Variants in UNC5C observed in about 807,000 individuals in gnomAD.
UNC5C encodes the protein netrin receptor UNC5C.
A neutral mutation model predicts 99.8 loss-of-function variants in UNC5C; 47 were observed. The ratio of observed to expected loss-of-function variants is 0.47; its 90% CI spans 0.37 to 0.60. The LOEUF (loss-of-function observed/expected upper bound fraction) is 0.60. Among genes scored for constraint, UNC5C ranks in the 20% least tolerant of loss-of-function variants. The pLI is 0.00. For synonymous variants in UNC5C, 487 were observed against 452.2 expected, an observed-to-expected ratio of 1.08 and a Z score of -0.98; for missense variants, 1,062 against 1,165.9, an observed-to-expected ratio of 0.91 and a Z score of 1.30.
intron 1 of UNC5C, among the ~76,000 whole-genome samples, chr4:95,483,140 G>A (rs750725699): frequency 4.6e-5 from 7 of 150,844 alleles, no homozygotes; most frequent in Non-Finnish European, 8.9e-5. Context: ...TTTGGCTCTG[G>A]TATATTAGAC....
intron 1 of UNC5C, among the ~76,000 whole-genome samples, chr4:95,450,959 G>A (rs1747263867): frequency 1.3e-5 from 2 of 152,246 alleles, no homozygotes; most frequent in African/African-American, 4.8e-5. Context: ...ATGTAAAAGT[G>A]CCTATAATTT....
chr4:95,391,944 C>T (rs1745373704), intron 1 of UNC5C, among the ~76,000 whole-genome samples: 1 of 152,080 alleles, frequency 6.6e-6, no homozygotes, highest in African/African-American at 2.4e-5. Flanking sequence ...GTCGTCCCAG[C>T]TACTCTGAAG....
At chr4:95,254,783 A>C (rs755405617) in intron 4 of UNC5C, among the ~76,000 whole-genome samples, 1 of 152,112 alleles carries the variant, frequency 6.6e-6, no homozygotes, top group African/African-American at 2.4e-5. Context: ...TGTCTTTCCT[A>C]TTCACTCTAA....
intron 1 of UNC5C, among the ~76,000 whole-genome samples, chr4:95,488,868 C>T (rs1721400938): frequency 6.6e-6 from 1 of 151,684 alleles, no homozygotes; most frequent in African/African-American, 2.4e-5. Context: ...TCTCACACAA[C>T]TATGCGTGCT....
chr4:95,501,830 GA>G (rs1291228630), intron 1 of UNC5C, among the ~76,000 whole-genome samples: 2 of 152,034 alleles, frequency 1.3e-5, no homozygotes, highest in Non-Finnish European at 2.9e-5. Context: ...TTACAGTGAT[GA>G]ATGACCTCTT....
intron 4 of UNC5C, among the ~76,000 whole-genome samples, chr4:95,254,682 G>A (rs1280592777): frequency 6.6e-6 from 1 of 152,132 alleles, no homozygotes; most frequent in East Asian, 1.9e-4. Context: ...CCACACTAAA[G>A]TTTGAGAAGC....
At chr4:95,194,279 G>A (rs985388830) in intron 12 of UNC5C, among the ~76,000 whole-genome samples, 3 of 152,154 alleles carry the variant, frequency 2.0e-5, no homozygotes, top group African/African-American at 7.2e-5. Flanking sequence ...GTTTTTCTAG[G>A]ACTTTTGAAG....
rs184943182 is a variant in UNC5C at position 95,327,664 on chromosome 4, C to A, written c.346+7746G>T. Among the ~76,000 whole-genome samples the A allele has an allele frequency of 2.1e-3, 321 of 152,144 alleles. 3 individuals carry two copies. Among genetic ancestry groups the A allele is most frequent in the African/African-American group, 7.4e-3 (306 of 41,532 alleles). On this transcript the variant is annotated intron_variant, in intron 2 of 15. Transcript: ENST00000453304. ...TTTTAAAATGTATTAGGGCCTCTTC[C>A]CCTGTAGCCCCAGTGATATGGGGCA...
intron 1 of UNC5C, among the ~76,000 whole-genome samples, chr4:95,474,755 T>C (rs9995073): frequency 0.04 from 6,126 of 152,172 alleles, 257 homozygotes; most frequent in African/African-American, 0.11. Context: ...TGTAGAGCTC[T>C]TTGAATTTTA....
intron 1 of UNC5C, among the ~76,000 whole-genome samples, chr4:95,496,751 T>C (rs1252375821): frequency 2.6e-5 from 4 of 151,882 alleles, no homozygotes; most frequent in East Asian, 1.9e-4. Flanking sequence ...ATAAGTTCTT[T>C]AATGATGATT....
chr4:95,531,268 T>A (rs961920123), intron 1 of UNC5C, among the ~76,000 whole-genome samples: 3 of 152,218 alleles, frequency 2.0e-5, no homozygotes, highest in Non-Finnish European at 4.4e-5. Context: ...TAAACATCTC[T>A]CTGGCATTCC....
At chr4:95,175,864 A>G (rs1351124804) in intron 14 of UNC5C, among the ~76,000 whole-genome samples, 2 of 151,664 alleles carry the variant, frequency 1.3e-5, no homozygotes, top group Non-Finnish European at 2.9e-5. Context: ...CATTCTCCCC[A>G]TCACTTTCAG....
At chr4:95,403,558 T>A (rs565180730) in intron 1 of UNC5C, among the ~76,000 whole-genome samples, 1 of 152,354 alleles carries the variant, frequency 6.6e-6, no homozygotes, top group South Asian at 2.1e-4. Flanking sequence ...TGGGAGCCAT[T>A]GTAAATATTT....
intron 10 of UNC5C, among the ~76,000 whole-genome samples, chr4:95,212,425 C>T (rs997026812): frequency 3.9e-5 from 6 of 152,108 alleles, no homozygotes; most frequent in Non-Finnish European, 8.8e-5. Context: ...TACAAACCTT[C>T]GTACTTTCAT....
At chr4:95,299,241 A>C (rs1741784438) in intron 3 of UNC5C, among the ~76,000 whole-genome samples, 1 of 152,176 alleles carries the variant, frequency 6.6e-6, no homozygotes, top group Non-Finnish European at 1.5e-5. Flanking sequence ...AGGGATGTGC[A>C]CACACACAGA....
At chr4:95,442,070 C>A (rs1462625662) in intron 1 of UNC5C, among the ~76,000 whole-genome samples, 1 of 152,164 alleles carries the variant, frequency 6.6e-6, no homozygotes, top group Non-Finnish European at 1.5e-5. Flanking sequence ...ACGCTGTGAA[C>A]CATGTCAACT....
chr4:95,515,075 A>G (rs149258279), intron 1 of UNC5C, among the ~76,000 whole-genome samples: 1 of 152,310 alleles, frequency 6.6e-6, no homozygotes, highest in East Asian at 1.9e-4. Context: ...TATATTATTT[A>G]TAACACTTAA....
intron 1 of UNC5C, among the ~76,000 whole-genome samples, chr4:95,525,780 C>T (rs1722484285): frequency 6.6e-6 from 1 of 151,964 alleles, no homozygotes; most frequent in African/African-American, 2.4e-5. Flanking sequence ...CAATTAGTGA[C>T]AATTCCCAGT....
At chr4:95,355,572 T>C (rs1422465188) in intron 1 of UNC5C, among the ~76,000 whole-genome samples, 1 of 152,078 alleles carries the variant, frequency 6.6e-6, no homozygotes, top group Non-Finnish European at 1.5e-5. Flanking sequence ...GTTGTGCCTA[T>C]CACACAGTAA....
Sources: gnomAD v4.1 joint callset for allele counts (sites outside exome capture counted in the v4.1 genomes callset) on GRCh38, gnomAD v4.1.1 for gene constraint, MANE v1.5 for transcripts, NCBI Gene and HGNC (gene_info 2026-07-23, HGNC 2026-07-21) for gene names.